MACROD2: variants seen among roughly 807,000 people sequenced by gnomAD.
MACROD2 encodes the protein mono-ADP ribosylhydrolase 2.
Under a neutral mutation model 70.4 loss-of-function variants are expected in MACROD2, and 36 were observed. The ratio of observed to expected loss-of-function variants is 0.51; its 90% CI spans 0.39 to 0.68. The LOEUF (loss-of-function observed/expected upper bound fraction) is 0.68, where lower values mean the gene tolerates loss of function less well. Ranked by LOEUF, MACROD2 falls within the 30% of genes least tolerant of loss-of-function variation. MACROD2 has a pLI of 0.00. For missense variants in MACROD2, 496 were observed against 538.4 expected, an observed-to-expected ratio of 0.92 and a Z score of 0.78; for synonymous variants, 172 against 178.8, an observed-to-expected ratio of 0.96 and a Z score of 0.30.
Position 15,011,844 on chromosome 20 carries a change from G to A in MACROD2, c.419-218096G>A, listed in dbSNP as rs6110494. On this transcript the variant is annotated intron_variant, in intron 5 of 17. Transcript: ENST00000684519. ...CAAGGGAGCCTCAGGGCTTTTTGTG[G>A]CCTTTCCAACTCTGGCCTCTACCTC... 8.1e-3 allele frequency among the ~76,000 whole-genome samples: 1,241 copies of A among 152,272 alleles called. 19 individuals carry two copies. The highest frequency in any genetic ancestry group is 0.029 in the African/African-American group (1,195 of 41,550).
chr20:14,832,846 G>A (rs1277100894), intron 5 of MACROD2, among the ~76,000 whole-genome samples: 3 of 152,074 alleles, frequency 2.0e-5, no homozygotes, highest in Non-Finnish European at 4.4e-5. Context: ...GCTAAGAACA[G>A]GGGAAAACCC....
chr20:15,588,571 C>T (rs777981210), intron 8 of MACROD2, among the ~76,000 whole-genome samples: 4 of 152,128 alleles, frequency 2.6e-5, no homozygotes, highest in African/African-American at 4.8e-5. Context: ...TGCTTTTAAC[C>T]GTACCCAAGT....
At chr20:15,700,567 G>A (rs1447588952) in intron 8 of MACROD2, among the ~76,000 whole-genome samples, 1 of 152,104 alleles carries the variant, frequency 6.6e-6, no homozygotes, top group Non-Finnish European at 1.5e-5. Context: ...TTATATGTGA[G>A]GCATATTTAT....
At chr20:15,204,393 A>C (rs536968229) in intron 5 of MACROD2, among the ~76,000 whole-genome samples, 6 of 152,226 alleles carry the variant, frequency 3.9e-5, no homozygotes, top group African/African-American at 1.4e-4. Context: ...GTGAATTCTA[A>C]TAGGTCTAAT....
At position 15,073,118 on chromosome 20, in the gene MACROD2, A is replaced by G. The variant is rs564334076; in HGVS notation, c.419-156822A>G. Among the ~76,000 whole-genome samples, 5 of 152,252 alleles carry G rather than the reference A, an allele frequency of 3.3e-5. No individual in the cohort carries two copies. In the East Asian group the frequency reaches 9.6e-4, roughly 29 times the overall value. On this transcript the variant is annotated intron_variant, in intron 5 of 17. Coordinates refer to ENST00000684519, the MANE Select transcript of MACROD2 (RefSeq NM_001351661.2). ...CCAGCCTCTAGAACTGTGAGAAATGAACTTTTTAAAATTATAAATTCCCCA... is the reference window on the plus strand; with the variant it reads ...CCAGCCTCTAGAACTGTGAGAAATGGACTTTTTAAAATTATAAATTCCCCA...
At chr20:15,513,297 A>C (rs892234645) in intron 8 of MACROD2, among the ~76,000 whole-genome samples, 11 of 152,248 alleles carry the variant, frequency 7.2e-5, no homozygotes, top group Non-Finnish European at 1.5e-4. Flanking sequence ...CTGTTTTCTA[A>C]GTACAGCTGG....
chr20:15,121,238 T>C (rs6135342), intron 5 of MACROD2, among the ~76,000 whole-genome samples: 10,582 of 152,186 alleles, frequency 0.07, 910 homozygotes, highest in East Asian at 0.43. Flanking sequence ...CAGGCTGGGC[T>C]CAGTGGCTCA....
At chr20:14,675,196 A>G (rs1431458770) in intron 4 of MACROD2, among the ~76,000 whole-genome samples, 1 of 152,194 alleles carries the variant, frequency 6.6e-6, no homozygotes, top group Non-Finnish European at 1.5e-5. Context: ...TTCAGGAAAT[A>G]CAGGGAACAC....
At chr20:14,575,041 A>AATAT (rs1568678958) in intron 4 of MACROD2, among the ~76,000 whole-genome samples, 1 of 23,922 alleles carries the variant, frequency 4.2e-5, no homozygotes, top group African/African-American at 7.5e-5. Flanking sequence ...AAAAAAAAAA[A>AATAT]ATATTCACAA....
At position 15,887,095 on chromosome 20, in the gene MACROD2, G is replaced by T. The variant is rs950958710; in HGVS notation, c.775+1284G>T. 9.9e-5 allele frequency among the ~76,000 whole-genome samples: 15 copies of T among 152,074 alleles called. 1 individual carries two copies. Among genetic ancestry groups the T allele is most frequent in the East Asian group, 1.9e-4 (1 of 5,178 alleles). ...TACAAATCACTGACAGGCTCAGTCTGGGCAGCTCCATCAGCAGGGAGCTCT... is the reference window on the plus strand; with the variant it reads ...TACAAATCACTGACAGGCTCAGTCTTGGCAGCTCCATCAGCAGGGAGCTCT... On this transcript the variant is annotated intron_variant, in intron 10 of 17. Coordinates refer to ENST00000684519, the MANE Select transcript of MACROD2 (RefSeq NM_001351661.2).
At chr20:14,432,688 G>A (rs79453392) in intron 3 of MACROD2, among the ~76,000 whole-genome samples, 3,713 of 152,140 alleles carry the variant, frequency 0.024, 80 homozygotes, top group Non-Finnish European at 0.032. Context: ...AGCACTTCAG[G>A]TATGAGGCCT....
chr20:14,623,128 A>C (rs1329253546), intron 4 of MACROD2: 1 of 152,172 alleles, frequency 6.6e-6, no homozygotes, highest in Admixed American at 6.6e-5. Context: ...TCTTAATGCC[A>C]AAGTTCTCTG....
chr20:14,088,451 A>G (rs2054108859), intron 3 of MACROD2, among the ~76,000 whole-genome samples: 1 of 150,642 alleles, frequency 6.6e-6, no homozygotes, highest in Admixed American at 6.7e-5. Flanking sequence ...AAATTTTTAA[A>G]AAATGTTTAT....
chr20:14,064,130 C>A, intron 2 of MACROD2, among the ~76,000 whole-genome samples: 1 of 152,178 alleles, frequency 6.6e-6, no homozygotes, highest in Admixed American at 6.5e-5. Context: ...AACTGCTGGC[C>A]AACTTTCTCC....
chr20:14,523,742 T>A (rs2084286650), intron 4 of MACROD2, among the ~76,000 whole-genome samples: 1 of 152,236 alleles, frequency 6.6e-6, no homozygotes, highest in South Asian at 2.1e-4. Context: ...TCTAGAAATT[T>A]ACTAGCTTAT....
intron 8 of MACROD2, among the ~76,000 whole-genome samples, chr20:15,727,874 G>A (rs1440569168): frequency 6.6e-6 from 1 of 152,106 alleles, no homozygotes; most frequent in Non-Finnish European, 1.5e-5. Context: ...TTTGCAAACA[G>A]GAACAGCTTG....
intron 4 of MACROD2, among the ~76,000 whole-genome samples, chr20:14,552,361 CCT>C (rs1978716508): frequency 6.7e-6 from 1 of 149,860 alleles, no homozygotes; most frequent in Non-Finnish European, 1.5e-5. Context: ...AGAGAAGGCA[CCT>C]CTTTCTCAGA....
At chr20:14,177,301 CTT>C (rs71190114) in intron 3 of MACROD2, among the ~76,000 whole-genome samples, 2 of 125,422 alleles carry the variant, frequency 1.6e-5, no homozygotes, top group Non-Finnish European at 3.2e-5. Context: ...GAGATATCTT[CTT>C]TTTTTTTTTT....
At chr20:14,975,200 G>A (rs936976866) in intron 5 of MACROD2, among the ~76,000 whole-genome samples, 1 of 152,112 alleles carries the variant, frequency 6.6e-6, no homozygotes, top group Non-Finnish European at 1.5e-5. Context: ...ATCACCCTTA[G>A]TTGAGAACCA....
Sources: allele counts gnomAD v4.1 joint callset (sites outside exome capture counted in the v4.1 genomes callset), GRCh38; gene constraint gnomAD v4.1.1; transcripts MANE v1.5; gene names NCBI Gene and HGNC (gene_info 2026-07-23, HGNC 2026-07-21).